The following BLK variants were observed in gnomAD, a reference collection of about 807,000 sequenced individuals.
BLK encodes tyrosine-protein kinase Blk.
Under a neutral mutation model 61.8 loss-of-function variants are expected in BLK, and 64 were observed. That is an observed-to-expected ratio of 1.03 (90% CI 0.85 to 1.27). The LOEUF (loss-of-function observed/expected upper bound fraction) is 1.27. BLK is among the 50% of genes most tolerant of loss of function. The probability of loss-of-function intolerance (pLI) is 0.00; values close to 1 mark genes in which losing one functional copy is unlikely to be tolerated. For missense variants in BLK, 853 were observed against 660.5 expected, an observed-to-expected ratio of 1.29 and a Z score of -3.19; for synonymous variants, 351 against 272.0, an observed-to-expected ratio of 1.29 and a Z score of -2.86.
At chr8:11,558,902 C>G (rs1176391297) in intron 10 of BLK, 1 of 456,162 alleles carries the variant, frequency 2.2e-6, no homozygotes, top group Non-Finnish European at 4.4e-6. Context: ...CGCCCCTCGC[C>G]CAGCCTTACC....
intron 1 of BLK, among the ~76,000 whole-genome samples, chr8:11,505,655 G>C (rs1310865833): frequency 1.3e-5 from 2 of 152,186 alleles, no homozygotes; most frequent in African/African-American, 4.8e-5. Flanking sequence ...TCCCATGTGT[G>C]GCTGCCAAGG....
chr8:11,532,823 C>T (rs765628675), intron 1 of BLK, among the ~76,000 whole-genome samples: 28 of 152,166 alleles, frequency 1.8e-4, no homozygotes, highest in Non-Finnish European at 2.9e-5. Flanking sequence ...TTAGTGAGCG[C>T]TGAATATTAT....
intron 7 of BLK, 118 bp from the exon 8 acceptor site, chr8:11,555,214 C>A: frequency 1.5e-6 from 2 of 1,377,456 alleles, no homozygotes; most frequent in African/African-American, 1.4e-5. Context: ...TGTGCACACA[C>A]CCATGCAGGG....
intron 1 of BLK, among the ~76,000 whole-genome samples, chr8:11,503,359 C>T (rs1798639611): frequency 6.6e-6 from 1 of 152,154 alleles, no homozygotes; most frequent in South Asian, 2.1e-4. Flanking sequence ...CTGCAAAGTG[C>T]GTTTATGGCT....
intron 1 of BLK, among the ~76,000 whole-genome samples, chr8:11,540,857 GA>G (rs5889375): frequency 0.97 from 139,935 of 143,884 alleles, 68,057 homozygotes; most frequent in East Asian, 0.99. Context: ...CAAGAAGATA[GA>G]AAAAAAAAAA....
At chr8:11,502,871 A>G (rs1798618890) in intron 1 of BLK, among the ~76,000 whole-genome samples, 1 of 152,058 alleles carries the variant, frequency 6.6e-6, no homozygotes, top group South Asian at 2.1e-4. Flanking sequence ...TGGCAGGGGA[A>G]GGGGGGTGGG....
rs774462184 is a variant in BLK, at chr8:11,556,643, C to T, written c.773-15C>T. 9 of 1,614,110 alleles carry T rather than the reference C, an allele frequency of 5.6e-6. No homozygotes were observed. The highest frequency in any genetic ancestry group is 6.8e-6 in the Non-Finnish European group (8 of 1,180,014). ...CTCTGTCTTCTGATTGGCTTCTTCA[C>T]TCCCCCGGGCTCAGGTTACTACAAA... On this transcript the variant is annotated splice_polypyrimidine_tract_variant and intron_variant, in intron 8 of 12. Coordinates refer to ENST00000259089, the MANE Select transcript of BLK (RefSeq NM_001715.3).
intron 10 of BLK, chr8:11,558,689 G>A (rs565758795): frequency 2.2e-5 from 10 of 456,296 alleles, no homozygotes; most frequent in African/African-American, 4.0e-5. Context: ...GTGAAGAGCA[G>A]AGTGGAGAGG....
chr8:11,549,688 C>T (rs1023106951), intron 5 of BLK, among the ~76,000 whole-genome samples: 1 of 152,188 alleles, frequency 6.6e-6, no homozygotes, highest in African/African-American at 2.4e-5. Context: ...CTGTGGGCCC[C>T]GCTTCTTTCC....
At chr8:11,515,418 C>G (rs1399914128) in intron 1 of BLK, among the ~76,000 whole-genome samples, 2 of 152,166 alleles carry the variant, frequency 1.3e-5, no homozygotes, top group Non-Finnish European at 2.9e-5. Context: ...ATGTCAGTGG[C>G]TCCACCTGAG....
At chr8:11,548,985 G>T (rs1207915690) in intron 4 of BLK, 39 bp from the exon 5 acceptor site, 2 of 1,554,666 alleles carry the variant, frequency 1.3e-6, no homozygotes, top group African/African-American at 1.4e-5. Flanking sequence ...GGGCCTACAG[G>T]GGCCATGATC....
At chr8:11,533,567 T>A (rs1799982477) in intron 1 of BLK, among the ~76,000 whole-genome samples, 1 of 147,378 alleles carries the variant, frequency 6.8e-6, no homozygotes, top group Admixed American at 6.8e-5. Context: ...GTGCTTCAGT[T>A]TCTTCCCTGT....
intron 1 of BLK, among the ~76,000 whole-genome samples, chr8:11,537,729 G>A (rs112102186): frequency 7.8e-4 from 119 of 152,278 alleles, no homozygotes; most frequent in African/African-American, 2.6e-3. Flanking sequence ...AGGCTAACAT[G>A]TATTAGAAAA....
In BLK at chr8:11,564,488, G is replaced by GC. The variant is rs1165349046; in HGVS notation, c.*384dup. 2 of 517,468 alleles carry GC rather than the reference G, an allele frequency of 3.9e-6. No individual in the cohort carries two copies. The highest frequency in any genetic ancestry group is 7.5e-6 in the Non-Finnish European group (2 of 266,836). 32.1% of individuals were successfully genotyped at this position (517,468 alleles called of 1,614,324 possible). On this transcript the variant is annotated 3_prime_UTR_variant, in exon 13 of 13. Transcript: ENST00000259089. ...CTGCGCCCTGCGTGGACCCCGCCCT[G>GC]CCCCGCTACAGAAGCCAGACTGGGT...
intron 7 of BLK, 101 bp from the exon 8 acceptor site, chr8:11,555,231 G>A: frequency 6.7e-7 from 1 of 1,497,432 alleles, no homozygotes. Flanking sequence ...AGGGGGTGGG[G>A]TGGCTGGGGA....
chr8:11,564,337 G>C lies in BLK; in HGVS notation c.*229G>C, dbSNP rs1045306871. The C allele has an allele frequency of 6.1e-5, 43 of 703,506 alleles. No homozygotes were observed. The highest frequency in any genetic ancestry group is 1.4e-4 in the African/African-American group (8 of 57,282). The allele number at this position is 703,506 out of a possible 1,614,324, so 43.6% of individuals were successfully genotyped here. ...TGTGCCGCTTCATTTGTAGAGGGCT[G>C]TAACAGTGACCTCGCACGGTCATCC... On this transcript the variant is annotated 3_prime_UTR_variant, in exon 13 of 13. Coordinates refer to ENST00000259089, the MANE Select transcript of BLK (RefSeq NM_001715.3).
intron 5 of BLK, among the ~76,000 whole-genome samples, chr8:11,549,672 T>C (rs73663162): frequency 0.035 from 5,280 of 152,294 alleles, 269 homozygotes; most frequent in African/African-American, 0.11. Flanking sequence ...GAGTCTTCTC[T>C]GGACACTGTG....
chr8:11,554,385 C>G (rs899154481), intron 6 of BLK, among the ~76,000 whole-genome samples: 1 of 152,116 alleles, frequency 6.6e-6, no homozygotes, highest in Admixed American at 6.5e-5. Flanking sequence ...GTCACTCCAA[C>G]GAGACTAGAT....
At chr8:11,560,933 C>G in intron 10 of BLK, 1 of 480,072 alleles carries the variant, frequency 2.1e-6, no homozygotes, top group South Asian at 1.5e-5. Flanking sequence ...CTGTCCTTGC[C>G]TCCTGCTCCC....
Sources: gnomAD v4.1 joint callset for allele counts (sites outside exome capture counted in the v4.1 genomes callset) on GRCh38, gnomAD v4.1.1 for gene constraint, MANE v1.5 for transcripts, NCBI Gene and HGNC (gene_info 2026-07-23, HGNC 2026-07-21) for gene names.